Variants in SUN3 observed in about 807,000 individuals in gnomAD.
SUN3 encodes the protein SUN domain-containing protein 3.
In SUN3, 36 loss-of-function variants were observed where a neutral mutation model predicts 48.2. The ratio of observed to expected loss-of-function variants is 0.75; its 90% CI spans 0.57 to 0.99. The LOEUF (loss-of-function observed/expected upper bound fraction) is 0.99. Ranked by LOEUF, SUN3 falls within the 50% of genes least tolerant of loss-of-function variation. The pLI, the probability that SUN3 is intolerant of heterozygous loss-of-function variation, is 0.00. For missense variants in SUN3, 419 were observed against 433.1 expected, an observed-to-expected ratio of 0.97 and a Z score of 0.29; for synonymous variants, 148 against 147.9, an observed-to-expected ratio of 1.00 and a Z score of 0.00.
chr7:48,026,958 T>C (rs891353022), intron 1 of SUN3, among the ~76,000 whole-genome samples: 1 of 152,200 alleles, frequency 6.6e-6, no homozygotes, highest in African/African-American at 2.4e-5. Flanking sequence ...CAGATGAATA[T>C]ACCAAGCCCA....
upstream of SUN3, among the ~76,000 whole-genome samples, chr7:48,031,920 C>T (rs1238493393): frequency 6.6e-6 from 1 of 151,270 alleles, no homozygotes; most frequent in Non-Finnish European, 1.5e-5. Flanking sequence ...GAATATTATT[C>T]AGCCATAAAA....
chr7:48,019,977 CAAAAAAAAAA>C (rs869166401), intron 2 of SUN3, among the ~76,000 whole-genome samples: 2 of 64,150 alleles, frequency 3.1e-5, no homozygotes, highest in Admixed American at 1.9e-4. Flanking sequence ...AAAGACACAT[CAAAAAAAAAA>C]AAAAAAAAAA....
chr7:47,997,906 G>C (rs1789256579), intron 6 of SUN3, among the ~76,000 whole-genome samples: 1 of 152,242 alleles, frequency 6.6e-6, no homozygotes, highest in South Asian at 2.1e-4. Flanking sequence ...ATGTTGGAAT[G>C]AGTATCAGAA....
chr7:47,999,521 G>A (rs1179068221), intron 6 of SUN3, among the ~76,000 whole-genome samples: 4 of 151,480 alleles, frequency 2.6e-5, no homozygotes, highest in Non-Finnish European at 5.9e-5. Flanking sequence ...AATATTAGTT[G>A]AAATTTTTTA....
In SUN3 at chr7:48,029,049, A is replaced by G. The variant is rs2128786006; in HGVS notation, c.-111T>C. On this transcript the variant is annotated 5_prime_UTR_variant, in exon 1 of 10. Coordinates refer to ENST00000297325, the MANE Select transcript of SUN3 (RefSeq NM_001030019.2). ...CATACAGTTTCTAAATTTGTTTTGT[A>G]TAATGTCTTCTTCCTCCACGGGTGT... 1 of 1,480,794 alleles carries G rather than the reference A, an allele frequency of 6.8e-7. No individual in the cohort carries two copies. The highest frequency in any genetic ancestry group is 9.1e-7 in the Non-Finnish European group (1 of 1,095,382). The allele number at this position is 1,480,794 out of a possible 1,614,324, so 91.7% of individuals were successfully genotyped here. A position where few individuals can be genotyped will look rare whatever the true frequency, so the allele number is the denominator to read the frequency against.
chr7:48,006,120 A>G (rs1165985309), intron 5 of SUN3, 67 bp from the exon 6 acceptor site: 1 of 1,172,336 alleles, frequency 8.5e-7, no homozygotes, highest in Non-Finnish European at 1.2e-6. Flanking sequence ...TTGACCATTC[A>G]TTTTATTGAT....
At chr7:47,988,452 C>T (rs553615109) in intron 9 of SUN3, among the ~76,000 whole-genome samples, 18 of 152,194 alleles carry the variant, frequency 1.2e-4, no homozygotes, top group African/African-American at 4.3e-4. Flanking sequence ...TCATCTTCCT[C>T]CCCTATACTC....
intron 2 of SUN3, among the ~76,000 whole-genome samples, chr7:48,022,599 T>A (rs1245851435): frequency 6.6e-6 from 1 of 151,752 alleles, no homozygotes; most frequent in Non-Finnish European, 1.5e-5. Context: ...AAAAGAACAT[T>A]TGAAGAAATA....
At chr7:48,027,677 A>C (rs968737056) in intron 1 of SUN3, among the ~76,000 whole-genome samples, 7 of 152,200 alleles carry the variant, frequency 4.6e-5, no homozygotes, top group African/African-American at 1.7e-4. Context: ...CCAGTACAGA[A>C]TCTTTAAGTA....
intron 3 of SUN3, among the ~76,000 whole-genome samples, chr7:48,012,969 T>C (rs1035033596): frequency 3.9e-5 from 6 of 152,246 alleles, no homozygotes; most frequent in African/African-American, 1.4e-4. Context: ...TGCCTTGATC[T>C]TGGACTTCAC....
Position 47,987,263 on chromosome 7 carries a change from A to G in SUN3, c.*67T>C. On this transcript the variant is annotated 3_prime_UTR_variant, in exon 10 of 10. Coordinates refer to ENST00000297325, the MANE Select transcript of SUN3 (RefSeq NM_001030019.2). Reference sequence around the variant, plus strand: ...AATTCTCAATTCCTATGGGTGCGGTATCATCTAAGAGAATAAGCATTCTTG... The same window carrying G: ...AATTCTCAATTCCTATGGGTGCGGTGTCATCTAAGAGAATAAGCATTCTTG... 6.5e-7 allele frequency: 1 copy of G among 1,534,836 alleles called. No individual in the cohort carries two copies. Among genetic ancestry groups the G allele is most frequent in the Non-Finnish European group, 8.8e-7 (1 of 1,137,276 alleles).
chr7:48,007,126 C>G, intron 5 of SUN3, 39 bp downstream of exon 5: 1 of 1,571,172 alleles, frequency 6.4e-7, no homozygotes, highest in South Asian at 1.2e-5. Flanking sequence ...CGCTAACCAC[C>G]ACCCCACCCT....
chr7:47,991,894 G>A (rs960143083), intron 8 of SUN3, among the ~76,000 whole-genome samples: 4 of 152,078 alleles, frequency 2.6e-5, no homozygotes, highest in Non-Finnish European at 5.9e-5. Context: ...CTCCAGCCCC[G>A]CCTGGCCCAG....
At chr7:48,008,943 G>A in intron 4 of SUN3, 92 bp downstream of exon 4, 2 of 1,209,118 alleles carry the variant, frequency 1.7e-6, no homozygotes, top group Non-Finnish European at 2.4e-6. Context: ...ATTTCAGGGA[G>A]TAACTTTTCT....
upstream of SUN3, among the ~76,000 whole-genome samples, chr7:48,033,608 G>T (rs927736956): frequency 6.6e-5 from 10 of 152,114 alleles, no homozygotes; most frequent in African/African-American, 2.4e-4. Context: ...TCTAAGGAAT[G>T]ATAACACTTC....
intron 3 of SUN3, among the ~76,000 whole-genome samples, chr7:48,010,862 C>T (rs1228819744): frequency 6.6e-6 from 1 of 152,160 alleles, no homozygotes; most frequent in Non-Finnish European, 1.5e-5. Context: ...GTCAACGTGT[C>T]CACATGTTTA....
intron 6 of SUN3, among the ~76,000 whole-genome samples, chr7:48,001,956 G>A (rs961331014): frequency 6.6e-6 from 1 of 152,092 alleles, no homozygotes; most frequent in Non-Finnish European, 1.5e-5. Context: ...GGTTCAAATG[G>A]TATTTTTGTC....
At chr7:48,001,757 C>T (rs928301296) in intron 6 of SUN3, among the ~76,000 whole-genome samples, 5 of 152,034 alleles carry the variant, frequency 3.3e-5, no homozygotes, top group African/African-American at 1.2e-4. Context: ...AGGATGGTCT[C>T]GATCTCCTGA....
intron 6 of SUN3, among the ~76,000 whole-genome samples, chr7:47,999,786 T>G (rs540006158): frequency 4.6e-5 from 7 of 152,200 alleles, no homozygotes; most frequent in Non-Finnish European, 7.3e-5. Context: ...CCGCCTGCCT[T>G]GGCCTCCCAA....
Sources: gnomAD v4.1 joint callset for allele counts (sites outside exome capture counted in the v4.1 genomes callset) on GRCh38, gnomAD v4.1.1 for gene constraint, MANE v1.5 for transcripts, NCBI Gene and HGNC (gene_info 2026-07-23, HGNC 2026-07-21) for gene names.